Variants in CSTF3 observed in about 807,000 individuals in gnomAD.
CSTF3 encodes CF-1 77 kDa subunit.
In CSTF3, 29 loss-of-function variants were observed where a neutral mutation model predicts 105.8. That is an observed-to-expected ratio of 0.27 (90% CI 0.20 to 0.37). The LOEUF is 0.37. CSTF3 is among the 10% of genes least tolerant of loss of function. The pLI is 1.00. For missense variants in CSTF3, 357 were observed against 879.3 expected, an observed-to-expected ratio of 0.41 and a Z score of 7.51; for synonymous variants, 252 against 281.9, an observed-to-expected ratio of 0.89 and a Z score of 1.06.
intron 1 of CSTF3, 130 bp downstream of exon 1, chr11:33,161,169 C>T (rs1022689244): frequency 1.6e-5 from 14 of 894,042 alleles, no homozygotes; most frequent in Non-Finnish European, 2.4e-5. Flanking sequence ...ATTCCCACCA[C>T]TCTTCTATAT....
chr11:33,142,067 C>T, intron 1 of CSTF3, 81 bp from the exon 2 acceptor site: 3 of 1,582,698 alleles, frequency 1.9e-6, no homozygotes, highest in Non-Finnish European at 2.6e-6. Context: ...CAATAAAGTC[C>T]TCAGATGCAA....
intron 8 of CSTF3, among the ~76,000 whole-genome samples, chr11:33,103,995 A>G (rs1855304138): frequency 6.6e-6 from 1 of 152,058 alleles, no homozygotes; most frequent in African/African-American, 2.4e-5. Flanking sequence ...GGCTAATTAA[A>G]AAAATTTTTT....
chr11:33,156,575 A>G lies in CSTF3; in HGVS notation c.27+4724T>C, dbSNP rs528552623. 5.9e-5 allele frequency: 23 copies of G among 388,378 alleles called. No homozygotes were observed. The East Asian group carries it at 1.1e-3, about 18-fold the overall frequency. 24.1% of individuals were successfully genotyped at this position (388,378 alleles called of 1,614,324 possible). A position where few individuals can be genotyped will look rare whatever the true frequency, so the allele number is the denominator to read the frequency against. ...AAATGCTCCTTTGTTAAGAACTACC[A>G]GCAATTAATTTGCGCTTCTTAGAAT... On this transcript the variant is annotated intron_variant, in intron 1 of 20. Transcript: ENST00000323959.
chr11:33,097,028 T>C, intron 13 of CSTF3, 50 bp from the exon 14 acceptor site: 10 of 1,383,118 alleles, frequency 7.2e-6, no homozygotes, highest in Non-Finnish European at 9.8e-6. Flanking sequence ...GTATGTTTCC[T>C]GCATAAGAAA....
At chr11:33,138,686 A>G (rs1855679441) in intron 3 of CSTF3, among the ~76,000 whole-genome samples, 1 of 151,894 alleles carries the variant, frequency 6.6e-6, no homozygotes, top group South Asian at 2.1e-4. Context: ...GATAACTATC[A>G]CTTTAAGAAT....
At chr11:33,088,441 C>T (rs536642469) in intron 17 of CSTF3, among the ~76,000 whole-genome samples, 8 of 151,460 alleles carry the variant, frequency 5.3e-5, no homozygotes, top group Non-Finnish European at 1.0e-4. Context: ...CCACCAAGCC[C>T]GGCCAATTTT....
At chr11:33,140,390 T>A (rs1051087465) in intron 3 of CSTF3, among the ~76,000 whole-genome samples, 3 of 151,812 alleles carry the variant, frequency 2.0e-5, no homozygotes, top group African/African-American at 7.3e-5. Flanking sequence ...AGGCACAATC[T>A]CTCTCATACA....
chr11:33,113,702 T>A (rs1565008522), intron 3 of CSTF3, among the ~76,000 whole-genome samples: 1 of 151,890 alleles, frequency 6.6e-6, no homozygotes, highest in African/African-American at 2.4e-5. Context: ...AATAGAAGAG[T>A]ATGATAATTA....
chr11:33,097,542 G>GT (rs1395676165), intron 13 of CSTF3, among the ~76,000 whole-genome samples: 2 of 152,118 alleles, frequency 1.3e-5, no homozygotes, highest in Admixed American at 6.5e-5. Flanking sequence ...GCTAATTTTT[G>GT]TTTTTTAGTA....
chr11:33,106,509 A>T (rs1482617250), intron 5 of CSTF3, among the ~76,000 whole-genome samples: 4 of 151,704 alleles, frequency 2.6e-5, no homozygotes, highest in African/African-American at 9.7e-5. Context: ...CAGGAGGATC[A>T]TCTGAGGCCA....
chr11:33,154,755 G>T (rs1022825808), intron 1 of CSTF3, among the ~76,000 whole-genome samples: 1 of 152,008 alleles, frequency 6.6e-6, no homozygotes, highest in Admixed American at 6.6e-5. Context: ...TCAGCCTCCC[G>T]AAGTGCTGGG....
intron 1 of CSTF3, among the ~76,000 whole-genome samples, chr11:33,152,218 C>T (rs1849793837): frequency 2.6e-5 from 4 of 152,138 alleles, no homozygotes; most frequent in Admixed American, 2.6e-4. Flanking sequence ...CAAGATTGTG[C>T]CGCTGCACTC....
At chr11:33,125,344 TAAC>T (rs1464840156) in intron 3 of CSTF3, among the ~76,000 whole-genome samples, 1 of 152,198 alleles carries the variant, frequency 6.6e-6, no homozygotes, top group Admixed American at 6.5e-5. Context: ...TGCTTATTTT[TAAC>T]AACTGATCTG....
At chr11:33,155,386 T>TAA (rs35704730) in intron 1 of CSTF3, among the ~76,000 whole-genome samples, 62 of 144,454 alleles carry the variant, frequency 4.3e-4, no homozygotes, top group East Asian at 3.0e-3. Context: ...ATAAAAAAAT[T>TAA]AAAAAAAAAA....
intron 3 of CSTF3, among the ~76,000 whole-genome samples, chr11:33,109,678 T>C (rs1855360818): frequency 6.6e-6 from 1 of 152,224 alleles, no homozygotes; most frequent in Non-Finnish European, 1.5e-5. Context: ...GCCTAGCAGG[T>C]TGAGCACTGA....
At chr11:33,117,873 G>A (rs441663) in intron 3 of CSTF3, among the ~76,000 whole-genome samples, 103,270 of 151,600 alleles carry the variant, frequency 0.68, 35,408 homozygotes, top group Non-Finnish European at 0.72. Flanking sequence ...GTACATTTAA[G>A]AAGTGAAATC....
chr11:33,112,870 A>G (rs927919659), intron 3 of CSTF3, among the ~76,000 whole-genome samples: 3 of 152,208 alleles, frequency 2.0e-5, no homozygotes, highest in Admixed American at 1.3e-4. Flanking sequence ...ATTAATCAAT[A>G]GAAAATGTCT....
At chr11:33,085,619 T>G (rs1002365633) in intron 20 of CSTF3, 94 bp downstream of exon 20, 1 of 1,166,528 alleles carries the variant, frequency 8.6e-7, no homozygotes, top group South Asian at 1.3e-5. Flanking sequence ...GGCTGGCTGG[T>G]TTCGAAAACT....
chr11:33,150,235 A>AAAAAAG (rs1855842447), intron 1 of CSTF3, among the ~76,000 whole-genome samples: 7 of 106,542 alleles, frequency 6.6e-5, no homozygotes, highest in African/African-American at 1.8e-4. Flanking sequence ...AAAAAAAAAA[A>AAAAAAG]AAAAGAAAAG....
Sources: gnomAD v4.1 joint callset for allele counts (sites outside exome capture counted in the v4.1 genomes callset) on GRCh38, gnomAD v4.1.1 for gene constraint, MANE v1.5 for transcripts, NCBI Gene and HGNC (gene_info 2026-07-23, HGNC 2026-07-21) for gene names.